Variants in MARCHF4 observed in about 807,000 individuals in gnomAD.
MARCHF4 encodes E3 ubiquitin-protein ligase MARCHF4.
In MARCHF4, 14 loss-of-function variants were observed where a neutral mutation model predicts 43.9. The observed-to-expected ratio is 0.32, with a 90% CI of 0.21 to 0.50. The LOEUF is 0.50. Among genes scored for constraint, MARCHF4 ranks in the 20% least tolerant of loss-of-function variants. The pLI is 0.98. For missense variants in MARCHF4, 468 were observed against 536.7 expected, an observed-to-expected ratio of 0.87 and a Z score of 1.27; for synonymous variants, 226 against 213.3, an observed-to-expected ratio of 1.06 and a Z score of -0.52.
At chr2:216,331,827 A>G (rs927407509) in intron 1 of MARCHF4, among the ~76,000 whole-genome samples, 2 of 152,248 alleles carry the variant, frequency 1.3e-5, no homozygotes, top group African/African-American at 4.8e-5. Flanking sequence ...GAATTTCTAG[A>G]TCTTTTAGAG....
chr2:216,356,417 C>T (rs749679654), intron 1 of MARCHF4, among the ~76,000 whole-genome samples: 21 of 152,236 alleles, frequency 1.4e-4, no homozygotes, highest in Non-Finnish European at 2.9e-4. Context: ...CTCAAGAGCC[C>T]ATTTCATGCA....
At chr2:216,357,803 A>T (rs2105982929) in intron 1 of MARCHF4, among the ~76,000 whole-genome samples, 1 of 152,368 alleles carries the variant, frequency 6.6e-6, no homozygotes, top group South Asian at 2.1e-4. Flanking sequence ...AAATTGAAGG[A>T]TGCTTTTGAG....
At chr2:216,337,557 A>G (rs1692176987) in intron 1 of MARCHF4, among the ~76,000 whole-genome samples, 2 of 152,098 alleles carry the variant, frequency 1.3e-5, no homozygotes, top group African/African-American at 4.8e-5. Context: ...CACACTGAAA[A>G]TGTGTTATTC....
In MARCHF4 at chr2:216,346,742, TA is replaced by T. The variant is rs144139792; in HGVS notation, c.516+23002del. Among the ~76,000 whole-genome samples the T allele has an allele frequency of 3.5e-3, 530 of 152,312 alleles. 6 individuals carry two copies. Among genetic ancestry groups the T allele is most frequent in the African/African-American group, 0.012 (508 of 41,568 alleles). ...TCCTTTGAACCTGAAAGAAGTTCAA[TA>T]TTCCTAAGGAAGATACAATGAGAGG... On this transcript the variant is annotated intron_variant, in intron 1 of 3. Transcript: ENST00000273067.
intron 1 of MARCHF4, among the ~76,000 whole-genome samples, chr2:216,324,170 G>A (rs1197580531): frequency 1.2e-4 from 18 of 147,972 alleles, no homozygotes; most frequent in Admixed American, 8.1e-4. Flanking sequence ...ACTACCATCA[G>A]AGAATACTAC....
intron 1 of MARCHF4, among the ~76,000 whole-genome samples, chr2:216,293,649 T>C (rs1297529091): frequency 3.6e-5 from 5 of 137,954 alleles, no homozygotes; most frequent in African/African-American, 1.2e-4. Flanking sequence ...ACTATGTTTT[T>C]CATTTTCACA....
intron 1 of MARCHF4, among the ~76,000 whole-genome samples, chr2:216,347,003 T>G (rs11686693): frequency 0.28 from 42,051 of 152,064 alleles, 6,984 homozygotes; most frequent in East Asian, 0.54. Context: ...AACCACCCCT[T>G]TTCTCTCTTC....
intron 1 of MARCHF4, among the ~76,000 whole-genome samples, chr2:216,315,630 G>A (rs1013810362): frequency 6.6e-6 from 1 of 152,148 alleles, no homozygotes; most frequent in African/African-American, 2.4e-5. Flanking sequence ...GTAGAAAAGT[G>A]CAGCTTACAA....
chr2:216,278,846 A>G (rs1691078202), intron 2 of MARCHF4, among the ~76,000 whole-genome samples: 1 of 152,208 alleles, frequency 6.6e-6, no homozygotes, highest in Non-Finnish European at 1.5e-5. Flanking sequence ...CAACTCTGAA[A>G]GTCTATGATT....
At chr2:216,312,992 T>G (rs1419100685) in intron 1 of MARCHF4, among the ~76,000 whole-genome samples, 1 of 152,194 alleles carries the variant, frequency 6.6e-6, no homozygotes, top group Admixed American at 6.5e-5. Flanking sequence ...TTGGCTTTCT[T>G]CTAGGATTTT....
rs567893102 is a variant in MARCHF4, at chr2:216,312,460, T to G, written c.517-28731A>C. 3.3e-5 allele frequency among the ~76,000 whole-genome samples: 5 copies of G among 152,290 alleles called. No individual in the cohort carries two copies. The South Asian group carries it at 1.0e-3, about 32-fold the overall frequency. ...TTTTTAACATAATGATTTCTTTTCC[T>G]TTGGGTAGATACACAGTGTGGAGGT... On this transcript the variant is annotated intron_variant, in intron 1 of 3. Coordinates refer to ENST00000273067, the MANE Select transcript of MARCHF4 (RefSeq NM_020814.3).
chr2:216,356,918 G>T (rs1254266079), intron 1 of MARCHF4, among the ~76,000 whole-genome samples: 1 of 152,024 alleles, frequency 6.6e-6, no homozygotes, highest in Non-Finnish European at 1.5e-5. Context: ...AGCTACTAGG[G>T]AGGCTGATGG....
rs1374541700 is a variant in MARCHF4 at position 216,335,995 on chromosome 2, G to A, written c.516+33750C>T. Among the ~76,000 whole-genome samples the A allele has an allele frequency of 3.4e-5, 5 of 147,188 alleles. No individual in the cohort carries two copies. In the East Asian group the frequency reaches 1.0e-3, roughly 31 times the overall value. ...AGGCAGGAGAATCACTTGAACCAGT[G>A]AGGTGGAGGTTGCAGTGAGCCGAGA... On this transcript the variant is annotated intron_variant, in intron 1 of 3. Transcript: ENST00000273067.
chr2:216,282,647 C>T (rs1433596673), intron 2 of MARCHF4, among the ~76,000 whole-genome samples: 1 of 152,182 alleles, frequency 6.6e-6, no homozygotes, highest in Non-Finnish European at 1.5e-5. Flanking sequence ...CAAAGGAGAG[C>T]TGCTTGATTT....
chr2:216,282,420 G>A (rs1034474111), intron 2 of MARCHF4, among the ~76,000 whole-genome samples: 3 of 151,804 alleles, frequency 2.0e-5, no homozygotes, highest in Admixed American at 6.6e-5. Flanking sequence ...AGACCCCACC[G>A]CCACCATCCC....
intron 1 of MARCHF4, among the ~76,000 whole-genome samples, chr2:216,295,819 C>T (rs374661972): frequency 1.3e-5 from 2 of 152,214 alleles, no homozygotes; most frequent in South Asian, 4.1e-4. Context: ...GTGTGGCTAA[C>T]AGCCCTGTTG....
chr2:216,324,053 T>G, intron 1 of MARCHF4, among the ~76,000 whole-genome samples: 1 of 150,352 alleles, frequency 6.7e-6, no homozygotes, highest in East Asian at 1.9e-4. Context: ...ATCAACAAAA[T>G]TGATAGACCG....
At chr2:216,341,057 T>G (rs1406124893) in intron 1 of MARCHF4, among the ~76,000 whole-genome samples, 1 of 152,134 alleles carries the variant, frequency 6.6e-6, no homozygotes, top group Non-Finnish European at 1.5e-5. Context: ...TCCCCCAGCG[T>G]TTACCCTCTC....
intron 1 of MARCHF4, among the ~76,000 whole-genome samples, chr2:216,306,572 T>G (rs1241150315): frequency 1.3e-5 from 2 of 152,220 alleles, no homozygotes; most frequent in East Asian, 3.8e-4. Flanking sequence ...ATCAGTTTTA[T>G]CTTATATTGA....
Sources: allele counts gnomAD v4.1 joint callset (sites outside exome capture counted in the v4.1 genomes callset), GRCh38; gene constraint gnomAD v4.1.1; transcripts MANE v1.5; gene names NCBI Gene and HGNC (gene_info 2026-07-23, HGNC 2026-07-21).